Variants in NACC2 observed in about 807,000 individuals in gnomAD.
The protein encoded by NACC2 is nucleus accumbens-associated protein 2.
Under a neutral mutation model 25.1 loss-of-function variants are expected in NACC2, and 8 were observed. The ratio of observed to expected loss-of-function variants is 0.32; its 90% CI spans 0.19 to 0.57. The LOEUF is 0.57. Among genes scored for constraint, NACC2 ranks in the 20% least tolerant of loss-of-function variants. NACC2 has a pLI of 0.89. For synonymous variants in NACC2, 435 were observed against 294.7 expected, an observed-to-expected ratio of 1.48 and a Z score of -4.88; for missense variants, 644 against 650.2, an observed-to-expected ratio of 0.99 and a Z score of 0.10.
intron 1 of NACC2, among the ~76,000 whole-genome samples, chr9:136,067,170 C>T (rs1373103754): frequency 1.3e-5 from 2 of 151,634 alleles, no homozygotes; most frequent in Admixed American, 1.3e-4. Flanking sequence ...AGGAGAATCG[C>T]TTGAACCCGG....
Position 136,018,147 on chromosome 9 carries a change from C to A in NACC2, c.887-1718G>T, listed in dbSNP as rs1840230803. Among the ~76,000 whole-genome samples the A allele has an allele frequency of 6.6e-6, 1 of 152,158 alleles. No individual in the cohort carries two copies. The highest frequency in any genetic ancestry group is 2.4e-5 in the African/African-American group (1 of 41,448). ...AGAGCCCACCTGCGGCCGCACCGCA[C>A]CAGGACGCTCAGAGGCAGGTGCACC... On this transcript the variant is annotated intron_variant, in intron 2 of 5. Coordinates refer to ENST00000277554, the MANE Select transcript of NACC2 (RefSeq NM_144653.5). This position sits in a 1 kb window ranked among gnomAD's most constrained non-coding sequence, Gnocchi z 4.4.
At position 136,013,803 on chromosome 9, in the gene NACC2, TA is replaced by T; in HGVS notation, c.1157+60del. ...CCTGGACGATCAGACAGCTCATAGC[TA>T]AAGGAGCCAGAACCCTCCGCAGCTC... On this transcript the variant is annotated intron_variant, in intron 4 of 5. Coordinates refer to ENST00000277554, the MANE Select transcript of NACC2 (RefSeq NM_144653.5). The surrounding 1 kb of genome is among the most constrained non-coding windows in gnomAD (Gnocchi z 6.6). 1 of 1,432,540 alleles carries T rather than the reference TA, an allele frequency of 7.0e-7. No individual in the cohort carries two copies. The highest frequency in any genetic ancestry group is 9.7e-7 in the Non-Finnish European group (1 of 1,027,022). The allele number at this position is 1,432,540 out of a possible 1,614,324, so 88.7% of individuals were successfully genotyped here. A position where few individuals can be genotyped will look rare whatever the true frequency, so the allele number is the denominator to read the frequency against.
At chr9:136,056,016 G>A (rs1298482480) in intron 1 of NACC2, among the ~76,000 whole-genome samples, 2 of 152,164 alleles carry the variant, frequency 1.3e-5, no homozygotes, top group Non-Finnish European at 2.9e-5. Context: ...TCCGCGCAAC[G>A]CCTTCCCTTT....
chr9:136,012,447 G>T (rs1003986215), intron 5 of NACC2, among the ~76,000 whole-genome samples: 4 of 152,104 alleles, frequency 2.6e-5, no homozygotes, highest in Non-Finnish European at 4.4e-5. Flanking sequence ...AGCAACACTC[G>T]CCTCCTTTCT....
At chr9:136,051,634 G>A (rs907761724) in intron 1 of NACC2, among the ~76,000 whole-genome samples, 2 of 152,088 alleles carry the variant, frequency 1.3e-5, no homozygotes, top group African/African-American at 4.8e-5. Flanking sequence ...GAGGAGGGCG[G>A]AGCCACCGCG....
At chr9:136,041,455 A>G (rs1840631744) in intron 2 of NACC2, among the ~76,000 whole-genome samples, 1 of 152,142 alleles carries the variant, frequency 6.6e-6, no homozygotes, top group South Asian at 2.1e-4. Flanking sequence ...AAAATGAAGC[A>G]TTGACCTATT....
intron 2 of NACC2, among the ~76,000 whole-genome samples, chr9:136,017,331 C>T (rs1003922510): frequency 1.3e-5 from 2 of 152,198 alleles, no homozygotes; most frequent in African/African-American, 4.8e-5. Flanking sequence ...CTGGGCAGGA[C>T]TCTCTGCTGT....
rs772855459 is a variant in NACC2, at chr9:136,011,787, T to A, written c.1493A>T (p.Glu498Val). The A allele has an allele frequency of 6.4e-7, 1 of 1,555,014 alleles. No homozygotes were observed. The highest frequency in any genetic ancestry group is 8.7e-7 in the Non-Finnish European group (1 of 1,149,984). ...AQVFEQRIYA[E>V]RRGDAATIVA... Reference sequence around the variant, plus strand: ...GATGGTGGCGGCGTCGCCCCGCCGCTCGGCGTAGATGCGTTGCTCGAACAC... The same window carrying A: ...GATGGTGGCGGCGTCGCCCCGCCGCACGGCGTAGATGCGTTGCTCGAACAC... The change falls in exon 6 of 6, where the codon GAG (glutamate) becomes GTG (valine). Residue 498 changes from glutamate to valine, a missense_variant. Glu to Val is a moderately radical substitution (Grantham distance 121, BLOSUM62 -2). Transcript: ENST00000277554.
intron 1 of NACC2, among the ~76,000 whole-genome samples, chr9:136,087,035 G>T (rs1830386623): frequency 6.6e-6 from 1 of 152,236 alleles, no homozygotes; most frequent in African/African-American, 2.4e-5. Flanking sequence ...ACCCTAACAT[G>T]CATCCTTACA....
chr9:136,013,051 A>T lies in NACC2; in HGVS notation c.1255+148T>A, dbSNP rs1840136483. On this transcript the variant is annotated intron_variant, in intron 5 of 5. Transcript: ENST00000277554. The surrounding 1 kb of genome is among the most constrained non-coding windows in gnomAD (Gnocchi z 6.6). ...TTCTGAGAGCTGCTCTTTTCTCCTC[A>T]TCTTCCCCTCAATCAGACCATGCTC... 4 of 615,362 alleles carry T rather than the reference A, an allele frequency of 6.5e-6. No individual in the cohort carries two copies. The East Asian group carries it at 1.2e-4, about 18-fold the overall frequency. The allele number at this position is 615,362 out of a possible 1,614,324, so 38.1% of individuals were successfully genotyped here.
At chr9:136,094,138 A>C (rs1439933350) in intron 1 of NACC2, among the ~76,000 whole-genome samples, 1 of 152,198 alleles carries the variant, frequency 6.6e-6, no homozygotes, top group African/African-American at 2.4e-5. Context: ...CCCGCCACAC[A>C]CAGGAAGGAA....
chr9:136,085,053 G>A (rs1358191460), intron 1 of NACC2, among the ~76,000 whole-genome samples: 4 of 151,102 alleles, frequency 2.6e-5, no homozygotes, highest in Non-Finnish European at 4.4e-5. Flanking sequence ...AAGCTAAAAC[G>A]GTAAATTTTA....
rs1049671038 is a variant in NACC2 at position 136,086,929 on chromosome 9, T to C, written c.-60+8260A>G. Among the ~76,000 whole-genome samples the C allele has an allele frequency of 1.3e-5, 2 of 152,228 alleles. No individual in the cohort carries two copies. Among genetic ancestry groups the C allele is most frequent in the South Asian group, 4.1e-4 (2 of 4,834 alleles). ...TCCCACACCACACCGGGGGTTCGCA[T>C]CTACCTGACCCTTTGAATGCGGCCT... On this transcript the variant is annotated intron_variant, in intron 1 of 5. Coordinates refer to ENST00000277554, the MANE Select transcript of NACC2 (RefSeq NM_144653.5). The surrounding 1 kb of genome is among the most constrained non-coding windows in gnomAD (Gnocchi z 5.6).
chr9:136,064,581 T>A (rs1325111594), intron 1 of NACC2, among the ~76,000 whole-genome samples: 3 of 152,206 alleles, frequency 2.0e-5, no homozygotes, highest in Non-Finnish European at 4.4e-5. Flanking sequence ...TCCATATTCA[T>A]GGGATGGGAA....
At position 136,020,637 on chromosome 9, in the gene NACC2, T is replaced by C. The variant is rs1484866505; in HGVS notation, c.887-4208A>G. On this transcript the variant is annotated intron_variant, in intron 2 of 5. Transcript: ENST00000277554. This position sits in a 1 kb window ranked among gnomAD's most constrained non-coding sequence, Gnocchi z 4.7. ...AAAATGAGCCCCTAGTCCTTGATGATACAGAAATATACAACTTAAATGCAA... is the reference window on the plus strand; with the variant it reads ...AAAATGAGCCCCTAGTCCTTGATGACACAGAAATATACAACTTAAATGCAA... 6.6e-6 allele frequency among the ~76,000 whole-genome samples: 1 copy of C among 152,200 alleles called. No homozygotes were observed. Among genetic ancestry groups the C allele is most frequent in the East Asian group, 1.9e-4 (1 of 5,204 alleles).
At chr9:136,032,966 C>T (rs1463112474) in intron 2 of NACC2, among the ~76,000 whole-genome samples, 2 of 150,924 alleles carry the variant, frequency 1.3e-5, no homozygotes, top group East Asian at 2.0e-4. Context: ...TGCAGTGAGC[C>T]GAGATCACAC....
chr9:136,049,863 C>T lies in NACC2; in HGVS notation c.659G>A (p.Arg220His), dbSNP rs1364716186. Residue 220 changes from arginine to histidine, a missense_variant, in exon 2 of 6, where the codon CGT becomes CAT. Transcript: ENST00000277554. ...GCTGGGCACCCCGTAGTAGGAGACA[C>T]GGGGCAGTTTGAGAGGGGCTGTGCC... ...AAGTAPLKLP[R>H]VSYYGVPSLA... The T allele has an allele frequency of 3.8e-5, 25 of 652,262 alleles. No homozygotes were observed. Among genetic ancestry groups the T allele is most frequent in the Non-Finnish European group, 8.5e-6 (3 of 351,882 alleles). The allele number at this position is 652,262 out of a possible 1,614,324, so 40.4% of individuals were successfully genotyped here. A position where few individuals can be genotyped will look rare whatever the true frequency, so the allele number is the denominator to read the frequency against.
rs2131131774 is a variant in NACC2, at chr9:136,013,220, G to A, written c.1234C>T (p.Arg412Trp). Reference sequence around the variant, plus strand: ...TTACATTTCACAGCGTTCAGGACCCGGCTGTCCAGCGGCTTCCGGCTGGGG... The same window carrying A: ...TTACATTTCACAGCGTTCAGGACCCAGCTGTCCAGCGGCTTCCGGCTGGGG... Reference protein sequence around the residue: ...SDPSRKPLDSRVLNAVKLYCQ... With the variant: ...SDPSRKPLDSWVLNAVKLYCQ... Residue 412 changes from arginine to tryptophan, a missense_variant, in exon 5 of 6, where the codon CGG (arginine) becomes TGG (tryptophan). By Grantham distance (101) the Arg-to-Trp change is moderately radical (BLOSUM62 -3). Coordinates refer to ENST00000277554, the MANE Select transcript of NACC2 (RefSeq NM_144653.5). The surrounding 1 kb of genome is among the most constrained non-coding windows in gnomAD (Gnocchi z 6.6). 1 of 1,346,196 alleles carries A rather than the reference G, an allele frequency of 7.4e-7. No individual in the cohort carries two copies. Among genetic ancestry groups the A allele is most frequent in the Non-Finnish European group, 9.8e-7 (1 of 1,015,354 alleles). 83.4% of individuals were successfully genotyped at this position (1,346,196 alleles called of 1,614,324 possible).
In NACC2 at chr9:136,092,920, G is replaced by C. The variant is rs576469606; in HGVS notation, c.-60+2269C>G. 5.3e-5 allele frequency among the ~76,000 whole-genome samples: 8 copies of C among 152,346 alleles called. No homozygotes were observed. In the East Asian group the frequency reaches 1.5e-3, roughly 29 times the overall value. On this transcript the variant is annotated intron_variant, in intron 1 of 5. Coordinates refer to ENST00000277554, the MANE Select transcript of NACC2 (RefSeq NM_144653.5). ...AAAGGGGATGGAGTGACCCCAAGGG[G>C]CTGTGAGATGCAGAGAGGCAGCCTG... is the stretch of plus-strand genomic sequence containing the variant.
Sources: allele counts gnomAD v4.1 joint callset (sites outside exome capture counted in the v4.1 genomes callset), GRCh38; gene constraint gnomAD v4.1.1; non-coding constraint Gnocchi (gnomAD v3.1); transcripts MANE v1.5; gene names NCBI Gene and HGNC (gene_info 2026-07-23, HGNC 2026-07-21).